ARSB: variants seen among roughly 807,000 people sequenced by gnomAD.
The protein encoded by ARSB is arylsulfatase B.
Under a neutral mutation model 50.9 loss-of-function variants are expected in ARSB, and 41 were observed. The observed-to-expected ratio is 0.81, with a 90% confidence interval of 0.63 to 1.04. ARSB has a LOEUF of 1.04. Among genes scored for constraint, ARSB ranks in the 50% least tolerant of loss-of-function variants. The pLI is 0.00. For synonymous variants in ARSB, 269 were observed against 284.8 expected (o/e 0.94, Z 0.56); for missense variants, 672 against 693.3 (o/e 0.97, Z 0.35).
chr5:78,824,144 C>G (rs560110849), intron 6 of ARSB, among the ~76,000 whole-genome samples: 5 of 152,334 alleles, frequency 3.3e-5, no homozygotes, highest in Non-Finnish European at 4.4e-5. Context: ...GAGGCCTCAT[C>G]ATAAGCTGAG....
intron 4 of ARSB, among the ~76,000 whole-genome samples, chr5:78,886,639 G>C (rs1338750034): frequency 6.6e-6 from 1 of 152,030 alleles, no homozygotes. Context: ...ATTAAAGTGG[G>C]CAGTAGAAAA....
Position 78,778,549 on chromosome 5 carries a change from AG to A in ARSB, c.*1847del, listed in dbSNP as rs1748835002. ...GGAGAGGACGCTACAACCTTGCTAT[AG>A]AGTGTCCTGTGACTGCCCAGTGATG... is the stretch of plus-strand genomic sequence containing the variant. On this transcript the variant is annotated 3_prime_UTR_variant, in exon 8 of 8. Transcript: ENST00000264914. 6.6e-6 allele frequency: 1 copy of A among 152,230 alleles called. No homozygotes were observed. The highest frequency in any genetic ancestry group is 2.4e-5 in the African/African-American group (1 of 41,448). The allele number at this position is 152,230 out of a possible 1,614,324, so 9.4% of individuals were successfully genotyped here.
chr5:78,872,548 C>T (rs1367477160), intron 5 of ARSB, among the ~76,000 whole-genome samples: 1 of 136,796 alleles, frequency 7.3e-6, no homozygotes, highest in Non-Finnish European at 1.6e-5. Context: ...CCATCATTCT[C>T]AGTAAACTAT....
intron 4 of ARSB, among the ~76,000 whole-genome samples, chr5:78,918,829 G>T (rs947713543): frequency 2.6e-5 from 4 of 152,086 alleles, no homozygotes; most frequent in Non-Finnish European, 5.9e-5. Flanking sequence ...AACCATGAAG[G>T]GGTGCTAATT....
At chr5:78,984,867 CGGGT>C (rs1211454552) in intron 1 of ARSB, 66 bp downstream of exon 1, 4 of 1,200,134 alleles carry the variant, frequency 3.3e-6, no homozygotes, top group Non-Finnish European at 4.2e-6. Flanking sequence ...CCTCAAGGGC[CGGGT>C]AGGAGCGGCA....
chr5:78,913,781 T>C (rs1229804994), intron 4 of ARSB, among the ~76,000 whole-genome samples: 5 of 152,006 alleles, frequency 3.3e-5, no homozygotes, highest in Non-Finnish European at 7.4e-5. Flanking sequence ...GGAAAAAAAA[T>C]TTCTTTGCTA....
chr5:78,940,976 G>A (rs1561515395), intron 4 of ARSB, among the ~76,000 whole-genome samples: 2 of 151,978 alleles, frequency 1.3e-5, no homozygotes, highest in African/African-American at 4.8e-5. Flanking sequence ...GTGGTTTGTA[G>A]TTCTCCTTGA....
chr5:78,931,581 A>G (rs1750330006), intron 4 of ARSB, among the ~76,000 whole-genome samples: 1 of 152,110 alleles, frequency 6.6e-6, no homozygotes, highest in Admixed American at 6.5e-5. Flanking sequence ...AAACACAATC[A>G]GCCCATTTTT....
chr5:78,901,218 A>T (rs552396939), intron 4 of ARSB, among the ~76,000 whole-genome samples: 115 of 152,210 alleles, frequency 7.6e-4, no homozygotes, highest in African/African-American at 2.7e-3. Flanking sequence ...CAGAAACCTT[A>T]ATTTGGTCTG....
Position 78,946,899 on chromosome 5 carries a change from C to A in ARSB, c.898+8396G>T, listed in dbSNP as rs542645444. Among the ~76,000 whole-genome samples the A allele has an allele frequency of 1.9e-4, 29 of 152,090 alleles. 1 individual carries two copies. Among genetic ancestry groups the A allele is most frequent in the African/African-American group, 6.7e-4 (28 of 41,504 alleles). ...AATTATACTATAGAGTTATAGTAACCAAAACAGCACGGTACTAGCATAAAA... is the reference window on the plus strand; with the variant it reads ...AATTATACTATAGAGTTATAGTAACAAAAACAGCACGGTACTAGCATAAAA... On this transcript the variant is annotated intron_variant, in intron 4 of 7. Coordinates refer to ENST00000264914, the MANE Select transcript of ARSB (RefSeq NM_000046.5).
chr5:78,889,763 T>G (rs1580005982), intron 4 of ARSB, among the ~76,000 whole-genome samples: 3 of 152,204 alleles, frequency 2.0e-5, no homozygotes, highest in Admixed American at 1.3e-4. Context: ...AATGAAACCA[T>G]GACAACAGCA....
chr5:78,914,732 A>G (rs575616767), intron 4 of ARSB, among the ~76,000 whole-genome samples: 43 of 152,182 alleles, frequency 2.8e-4, no homozygotes, highest in Non-Finnish European at 5.4e-4. Context: ...GCTGGCGTGC[A>G]TGATCTCAGC....
intron 6 of ARSB, among the ~76,000 whole-genome samples, chr5:78,816,300 C>A (rs1204795490): frequency 6.6e-6 from 1 of 152,194 alleles, no homozygotes; most frequent in African/African-American, 2.4e-5. Flanking sequence ...AGGTGCTCAA[C>A]AAAGACTCTT....
At chr5:78,832,939 C>T (rs1744755820) in intron 6 of ARSB, among the ~76,000 whole-genome samples, 1 of 152,090 alleles carries the variant, frequency 6.6e-6, no homozygotes, top group African/African-American at 2.4e-5. Flanking sequence ...ATGTGTGTTC[C>T]AGCCATCATA....
chr5:78,855,571 A>G (rs561824977), intron 5 of ARSB, among the ~76,000 whole-genome samples: 3 of 152,296 alleles, frequency 2.0e-5, no homozygotes, highest in African/African-American at 7.2e-5. Flanking sequence ...AGAGCAAGAC[A>G]CATCCAGCCA....
chr5:78,966,916 C>T (rs185663328), intron 2 of ARSB, among the ~76,000 whole-genome samples: 2 of 116,932 alleles, frequency 1.7e-5, no homozygotes, highest in East Asian at 2.2e-4. Flanking sequence ...AGAATACATC[C>T]GGGTCCATTT....
At chr5:78,846,100 G>A (rs140481721) in intron 5 of ARSB, among the ~76,000 whole-genome samples, 72 of 152,102 alleles carry the variant, frequency 4.7e-4, no homozygotes, top group African/African-American at 1.6e-3. Flanking sequence ...TTATGCATGT[G>A]GATATCCAAT....
intron 4 of ARSB, among the ~76,000 whole-genome samples, chr5:78,919,237 G>A (rs1040265381): frequency 6.6e-6 from 1 of 152,170 alleles, no homozygotes; most frequent in Non-Finnish European, 1.5e-5. Flanking sequence ...CAAGCTGTGG[G>A]GACCACATAG....
chr5:78,942,395 TTC>T (rs1750982002), intron 4 of ARSB, among the ~76,000 whole-genome samples: 17 of 152,076 alleles, frequency 1.1e-4, no homozygotes, highest in Admixed American at 1.1e-3. Flanking sequence ...TTGTAGACCT[TTC>T]CTGCTTTCTC....
Sources: allele counts gnomAD v4.1 joint callset (sites outside exome capture counted in the v4.1 genomes callset), GRCh38; gene constraint gnomAD v4.1.1; transcripts MANE v1.5; gene names NCBI Gene and HGNC (gene_info 2026-07-23, HGNC 2026-07-21).